ANTXR2: variants seen among roughly 807,000 people sequenced by gnomAD.
ANTXR2 encodes anthrax toxin receptor 2.
ANTXR2 carries 44 observed loss-of-function variants against 73.7 expected under a neutral mutation model. The ratio of observed to expected loss-of-function variants is 0.60; its 90% CI spans 0.47 to 0.77. The LOEUF (loss-of-function observed/expected upper bound fraction) is 0.77. ANTXR2 is among the 30% of genes least tolerant of loss of function. The pLI, the probability that ANTXR2 is intolerant of heterozygous loss-of-function variation, is 0.00. For missense variants in ANTXR2, 604 were observed against 592.5 expected, an observed-to-expected ratio of 1.02 and a Z score of -0.20; for synonymous variants, 217 against 205.9, an observed-to-expected ratio of 1.05 and a Z score of -0.46.
At chr4:80,064,107 T>C (rs556050773) in intron 3 of ANTXR2, among the ~76,000 whole-genome samples, 2 of 152,294 alleles carry the variant, frequency 1.3e-5, no homozygotes, top group African/African-American at 4.8e-5. Flanking sequence ...ATTCAAATAA[T>C]AGAAATGTGT....
chr4:80,005,265 C>T (rs1024180321), intron 12 of ANTXR2, among the ~76,000 whole-genome samples: 4 of 152,040 alleles, frequency 2.6e-5, no homozygotes, highest in African/African-American at 9.7e-5. Flanking sequence ...ACATTTTAAG[C>T]TCTTTAGTCA....
intron 12 of ANTXR2, among the ~76,000 whole-genome samples, chr4:79,988,133 C>T (rs1730275694): frequency 2.0e-5 from 3 of 150,018 alleles, no homozygotes; most frequent in South Asian, 2.1e-4. Flanking sequence ...GATAAATGGG[C>T]TAAGTGTCCA....
intron 3 of ANTXR2, among the ~76,000 whole-genome samples, chr4:80,063,465 A>C (rs1734355397): frequency 6.6e-6 from 1 of 151,880 alleles, no homozygotes; most frequent in Non-Finnish European, 1.5e-5. Context: ...TTCTTGTTGA[A>C]ATAAAATCAA....
Position 79,906,538 on chromosome 4 carries a change from A to G in ANTXR2, c.*891T>C, listed in dbSNP as rs1002233778. On this transcript the variant is annotated 3_prime_UTR_variant, in exon 17 of 17. Coordinates refer to ENST00000403729, the MANE Select transcript of ANTXR2 (RefSeq NM_058172.6). ...TTACTGCTTCCTTTAAATTAAAAGC[A>G]AAACAAACTTCTAGGTATGTTTATG... 8 of 152,636 alleles carry G rather than the reference A, an allele frequency of 5.2e-5. No homozygotes were observed. The highest frequency in any genetic ancestry group is 1.9e-4 in the African/African-American group (8 of 41,464). 9.5% of individuals were successfully genotyped at this position (152,636 alleles called of 1,614,324 possible).
At chr4:79,985,257 G>A (rs1298967663) in intron 12 of ANTXR2, among the ~76,000 whole-genome samples, 4 of 151,954 alleles carry the variant, frequency 2.6e-5, no homozygotes, top group South Asian at 4.2e-4. Flanking sequence ...GGCTGAGGCA[G>A]GAGAATGGCG....
intron 16 of ANTXR2, among the ~76,000 whole-genome samples, chr4:79,915,158 T>C (rs1215502482): frequency 6.6e-6 from 1 of 152,098 alleles, no homozygotes; most frequent in Non-Finnish European, 1.5e-5. Context: ...GGAGATGCCC[T>C]GAAGAAAAAT....
At position 80,007,883 on chromosome 4, in the gene ANTXR2, G is replaced by A. The variant is rs542670432; in HGVS notation, c.1041+638C>T. Among the ~76,000 whole-genome samples, 12 of 152,284 alleles carry A rather than the reference G, an allele frequency of 7.9e-5. No homozygotes were observed. The South Asian group carries it at 2.5e-3, about 32-fold the overall frequency. On this transcript the variant is annotated intron_variant, in intron 12 of 16. Coordinates refer to ENST00000403729, the MANE Select transcript of ANTXR2 (RefSeq NM_058172.6). ...GAAAGCTGTGATTAGACAGCTGTTA[G>A]ATAATAAATTTGTGTTGCTTTTAGT...
intron 12 of ANTXR2, among the ~76,000 whole-genome samples, chr4:79,991,832 C>T (rs1730485565): frequency 6.6e-6 from 1 of 152,052 alleles, no homozygotes; most frequent in African/African-American, 2.4e-5. Flanking sequence ...GGCCATTATC[C>T]TCAGAGAATT....
chr4:80,012,423 A>G (rs375134214), intron 11 of ANTXR2, among the ~76,000 whole-genome samples: 114 of 152,238 alleles, frequency 7.5e-4, no homozygotes, highest in African/African-American at 2.6e-3. Context: ...CAGTGTACAT[A>G]GTTTTACTGA....
At chr4:80,011,270 G>GCTTGCTAT (rs1292408059) in intron 11 of ANTXR2, among the ~76,000 whole-genome samples, 8 of 149,142 alleles carry the variant, frequency 5.4e-5, no homozygotes, top group African/African-American at 2.0e-4. Flanking sequence ...ACCTGGTCTT[G>GCTTGCTAT]CTATCTATCT....
chr4:79,993,693 C>T (rs1730581694), intron 12 of ANTXR2, among the ~76,000 whole-genome samples: 3 of 151,202 alleles, frequency 2.0e-5, no homozygotes, highest in South Asian at 2.1e-4. Context: ...AAGGCACTTC[C>T]CACTCTGTAG....
chr4:79,926,901 A>ACGTGTG (rs1727808663), intron 16 of ANTXR2, among the ~76,000 whole-genome samples: 3 of 151,160 alleles, frequency 2.0e-5, no homozygotes, highest in African/African-American at 4.9e-5. Context: ...GTGTATATAC[A>ACGTGTG]CATGTGTGCA....
At chr4:80,069,546 A>C in intron 2 of ANTXR2, 39 bp from the exon 3 acceptor site, 1 of 1,455,690 alleles carries the variant, frequency 6.9e-7, no homozygotes, top group Middle Eastern at 1.7e-4. Context: ...ACATTTTTAA[A>C]AAGAAATATT....
intron 16 of ANTXR2, among the ~76,000 whole-genome samples, chr4:79,923,516 C>A (rs563248031): frequency 1.8e-4 from 28 of 152,044 alleles, no homozygotes; most frequent in Non-Finnish European, 3.7e-4. Context: ...AGGAGCTGAC[C>A]TTGGTGTCAG....
At chr4:80,034,552 A>G (rs1221797859) in intron 8 of ANTXR2, among the ~76,000 whole-genome samples, 1 of 152,156 alleles carries the variant, frequency 6.6e-6, no homozygotes, top group Non-Finnish European at 1.5e-5. Context: ...TGTTTGGTCT[A>G]TCCTGTGGAA....
At chr4:79,998,864 C>G (rs1730867374) in intron 12 of ANTXR2, among the ~76,000 whole-genome samples, 1 of 151,926 alleles carries the variant, frequency 6.6e-6, no homozygotes, top group Non-Finnish European at 1.5e-5. Flanking sequence ...AATGGTAGTG[C>G]CTAAATATTC....
chr4:79,972,928 A>AAAAAAAAAAG (rs1553929158), intron 16 of ANTXR2, among the ~76,000 whole-genome samples: 7 of 15,378 alleles, frequency 4.6e-4, no homozygotes, highest in Admixed American at 1.5e-3. Flanking sequence ...AATAAAAAAA[A>AAAAAAAAAAG]AAAAAAAAAA....
intron 7 of ANTXR2, among the ~76,000 whole-genome samples, chr4:80,051,024 CCTCAGCCAGTCAG>C (rs1456830515): frequency 6.6e-6 from 1 of 151,664 alleles, no homozygotes; most frequent in Admixed American, 6.6e-5. Context: ...CCAGCCTACA[CCTCAGCCAGTCAG>C]CTCAGATAGT....
chr4:79,966,864 A>G (rs1729386057), intron 16 of ANTXR2, among the ~76,000 whole-genome samples: 1 of 152,204 alleles, frequency 6.6e-6, no homozygotes, highest in Admixed American at 6.5e-5. Context: ...GCCTTTGTCA[A>G]TCAAGATATT....
Sources: gnomAD v4.1 joint callset for allele counts (sites outside exome capture counted in the v4.1 genomes callset) on GRCh38, gnomAD v4.1.1 for gene constraint, MANE v1.5 for transcripts, NCBI Gene and HGNC (gene_info 2026-07-23, HGNC 2026-07-21) for gene names.